Variants in MBD5 observed in about 807,000 individuals in gnomAD.
The protein encoded by MBD5 is methyl-CpG-binding domain protein 5.
Under a neutral mutation model 117.3 loss-of-function variants are expected in MBD5, and 13 were observed. That is an observed-to-expected ratio of 0.11 (90% CI 0.07 to 0.18). The LOEUF (loss-of-function observed/expected upper bound fraction) is 0.18. MBD5 is among the 10% of genes least tolerant of loss of function. The pLI is 1.00. For synonymous variants in MBD5, 727 were observed against 766.4 expected (o/e 0.95, Z 0.85); for missense variants, 1,879 against 2,093.8 (o/e 0.90, Z 2.00).
At chr2:148,051,436 G>T in intron 1 of MBD5, among the ~76,000 whole-genome samples, 1 of 148,908 alleles carries the variant, frequency 6.7e-6, no homozygotes. Context: ...CAGTTTCCCT[G>T]GCTGGAATGC....
chr2:148,246,057 A>G (rs1483468579), intron 3 of MBD5, among the ~76,000 whole-genome samples: 1 of 152,234 alleles, frequency 6.6e-6, no homozygotes, highest in Non-Finnish European at 1.5e-5. Flanking sequence ...AGAGATGATC[A>G]TTAATGATAG....
At chr2:148,368,303 A>G (rs754752182) in intron 4 of MBD5, among the ~76,000 whole-genome samples, 1 of 152,104 alleles carries the variant, frequency 6.6e-6, no homozygotes, top group South Asian at 2.1e-4. Flanking sequence ...AGGGAGGGGA[A>G]CATCACACAC....
intron 8 of MBD5, among the ~76,000 whole-genome samples, chr2:148,479,440 C>T (rs946338315): frequency 1.3e-5 from 2 of 152,160 alleles, no homozygotes; most frequent in Non-Finnish European, 2.9e-5. Context: ...ATTTTACAAT[C>T]TTTTTAATAC....
intron 1 of MBD5, among the ~76,000 whole-genome samples, chr2:148,052,686 T>A (rs1399911878): frequency 6.6e-6 from 1 of 152,202 alleles, no homozygotes; most frequent in Non-Finnish European, 1.5e-5. Context: ...TGTTGTTGAA[T>A]TTCCACATAT....
rs1682352758 is a variant in MBD5 at position 148,516,843 on chromosome 2, T to C, written c.*3902T>C. On this transcript the variant is annotated 3_prime_UTR_variant, in exon 14 of 14. Coordinates refer to ENST00000642680, the MANE Select transcript of MBD5 (RefSeq NM_001378120.1). ...CCGGAAAAATGGTTGATTTAATAATTTGTTATGTAAATACAAAGTTGTCTA... is the reference window on the plus strand; with the variant it reads ...CCGGAAAAATGGTTGATTTAATAATCTGTTATGTAAATACAAAGTTGTCTA... 6.6e-6 allele frequency: 1 copy of C among 152,230 alleles called. No individual in the cohort carries two copies. Among genetic ancestry groups the C allele is most frequent in the South Asian group, 2.1e-4 (1 of 4,828 alleles). 9.4% of individuals were successfully genotyped at this position (152,230 alleles called of 1,614,324 possible). A position where few individuals can be genotyped will look rare whatever the true frequency, so the allele number is the denominator to read the frequency against.
intron 3 of MBD5, among the ~76,000 whole-genome samples, chr2:148,234,144 A>T (rs115779543): frequency 0.13 from 19,104 of 152,196 alleles, 1,449 homozygotes; most frequent in Non-Finnish European, 0.18. Context: ...CATGAAAAAT[A>T]TAGACTTAAG....
intron 8 of MBD5, among the ~76,000 whole-genome samples, chr2:148,477,011 A>G (rs556526204): frequency 6.6e-6 from 1 of 152,180 alleles, no homozygotes; most frequent in Non-Finnish European, 1.5e-5. Context: ...ATTTTTTAAA[A>G]AAAACCCTAT....
chr2:148,318,063 T>C (rs1702195454), intron 3 of MBD5, among the ~76,000 whole-genome samples: 1 of 152,192 alleles, frequency 6.6e-6, no homozygotes, highest in African/African-American at 2.4e-5. Context: ...CTAATTTACA[T>C]TCCTACCAAT....
chr2:148,395,837 A>C (rs1190167708), intron 4 of MBD5, among the ~76,000 whole-genome samples: 1 of 152,130 alleles, frequency 6.6e-6, no homozygotes. Flanking sequence ...CCACACTCTC[A>C]TGGGCAAGAG....
intron 1 of MBD5, among the ~76,000 whole-genome samples, chr2:148,046,879 C>G (rs1443779114): frequency 6.6e-6 from 1 of 152,108 alleles, no homozygotes; most frequent in African/African-American, 2.4e-5. Flanking sequence ...ATATAAAATC[C>G]TATTTTCAAT....
intron 4 of MBD5, among the ~76,000 whole-genome samples, chr2:148,430,372 T>C (rs990691621): frequency 6.6e-6 from 1 of 152,142 alleles, no homozygotes; most frequent in Non-Finnish European, 1.5e-5. Flanking sequence ...CCAGAAATTA[T>C]GCTCTTAACC....
intron 3 of MBD5, among the ~76,000 whole-genome samples, chr2:148,306,761 C>T (rs1396558243): frequency 1.3e-5 from 2 of 152,088 alleles, no homozygotes; most frequent in East Asian, 3.9e-4. Context: ...ATGAACCCAT[C>T]AACTTCTAAG....
intron 1 of MBD5, among the ~76,000 whole-genome samples, chr2:148,048,211 A>G (rs1459030091): frequency 1.3e-5 from 2 of 152,224 alleles, no homozygotes; most frequent in African/African-American, 4.8e-5. Context: ...TCAGAGGGAT[A>G]ATGCATACAA....
At chr2:148,186,112 G>A (rs1271845564) in intron 2 of MBD5, among the ~76,000 whole-genome samples, 1 of 152,152 alleles carries the variant, frequency 6.6e-6, no homozygotes, top group Non-Finnish European at 1.5e-5. Flanking sequence ...AAAGTAATAC[G>A]GTTTGGCTGT....
intron 4 of MBD5, among the ~76,000 whole-genome samples, chr2:148,447,306 T>G (rs1466758276): frequency 6.6e-6 from 1 of 152,028 alleles, no homozygotes; most frequent in Non-Finnish European, 1.5e-5. Flanking sequence ...TGGTTCTCTG[T>G]ACCCTTTACC....
intron 1 of MBD5, among the ~76,000 whole-genome samples, chr2:148,030,643 G>A (rs982900997): frequency 6.6e-6 from 1 of 152,188 alleles, no homozygotes; most frequent in Non-Finnish European, 1.5e-5. Flanking sequence ...TATGTGGGAT[G>A]TGGGAAGGTT....
At chr2:148,463,684 T>C in intron 6 of MBD5, 55 bp from the exon 7 acceptor site, 1 of 1,592,648 alleles carries the variant, frequency 6.3e-7, no homozygotes, top group South Asian at 1.1e-5. Context: ...CAAAGGGATC[T>C]TTTTATTAAA....
intron 4 of MBD5, among the ~76,000 whole-genome samples, chr2:148,445,968 G>A (rs73019226): frequency 0.034 from 5,162 of 150,254 alleles, 501 homozygotes; most frequent in African/African-American, 0.12. Flanking sequence ...CTTCGCCCAC[G>A]ATGGGGTTGT....
intron 3 of MBD5, chr2:148,260,487 G>C (rs935193537): frequency 6.5e-6 from 1 of 153,182 alleles, no homozygotes; most frequent in African/African-American, 2.4e-5. Flanking sequence ...TCATCCATGA[G>C]GGTTGGAATT....
Sources: gnomAD v4.1 joint callset for allele counts (sites outside exome capture counted in the v4.1 genomes callset) on GRCh38, gnomAD v4.1.1 for gene constraint, MANE v1.5 for transcripts, NCBI Gene and HGNC (gene_info 2026-07-23, HGNC 2026-07-21) for gene names.